Variants in PITPNB observed in about 807,000 individuals in gnomAD.
PITPNB encodes phosphatidylinositol transfer protein beta.
In PITPNB, 16 loss-of-function variants were observed where a neutral mutation model predicts 45.9. The ratio of observed to expected loss-of-function variants is 0.35; its 90% confidence interval spans 0.24 to 0.53. PITPNB has a LOEUF of 0.53. PITPNB is among the 20% of genes least tolerant of loss of function. The pLI is 0.93. For missense variants in PITPNB, 188 were observed against 330.5 expected (o/e 0.57, Z 3.34); for synonymous variants, 112 against 108.9 (o/e 1.03, Z -0.18).
rs190580077 is a variant in PITPNB at position 27,908,499 on chromosome 22, T to C, written c.197+2465A>G. ...TTGAATCTATTTCAAATTTATTTAC[T>C]TATAGGATAGTGATCTAAACAGAAC... On this transcript the variant is annotated intron_variant, in intron 3 of 11. Transcript: ENST00000335272. 3.1e-3 allele frequency among the ~76,000 whole-genome samples: 471 copies of C among 152,148 alleles called. 3 individuals are homozygous for C. The highest frequency in any genetic ancestry group is 0.011 in the African/African-American group (449 of 41,538).
At chr22:27,914,213 G>A in intron 2 of PITPNB, 104 bp downstream of exon 2, 1 of 728,758 alleles carries the variant, frequency 1.4e-6, no homozygotes, top group South Asian at 1.5e-5. Flanking sequence ...CACATAAGGT[G>A]GAATGAAAAG....
chr22:27,892,842 C>T (rs1935319671), intron 7 of PITPNB, among the ~76,000 whole-genome samples: 1 of 152,180 alleles, frequency 6.6e-6, no homozygotes, highest in Non-Finnish European at 1.5e-5. Context: ...TATCAGTGCT[C>T]ACACTTCTAA....
chr22:27,881,066 G>T (rs190037153), intron 7 of PITPNB, among the ~76,000 whole-genome samples: 160 of 152,332 alleles, frequency 1.1e-3, no homozygotes, highest in African/African-American at 3.6e-3. Context: ...CTGAAAGTGT[G>T]TGACCATGTA....
chr22:27,857,059 AG>A (rs1170560929), intron 10 of PITPNB, among the ~76,000 whole-genome samples: 2 of 152,136 alleles, frequency 1.3e-5, no homozygotes, highest in Non-Finnish European at 2.9e-5. Context: ...ATAAGGAATG[AG>A]GGGGGTATCT....
At chr22:27,889,205 T>C (rs536830937) in intron 7 of PITPNB, among the ~76,000 whole-genome samples, 2 of 152,198 alleles carry the variant, frequency 1.3e-5, no homozygotes, top group South Asian at 4.1e-4. Context: ...CTTAGGATTA[T>C]GTGAAGCACA....
chr22:27,881,234 A>G (rs1934962943), intron 7 of PITPNB, among the ~76,000 whole-genome samples: 4 of 152,256 alleles, frequency 2.6e-5, no homozygotes, highest in Admixed American at 2.6e-4. Context: ...AAGATGAGAC[A>G]GGCGTTTGGC....
chr22:27,900,250 G>T (rs1935555750), intron 3 of PITPNB, among the ~76,000 whole-genome samples: 1 of 150,642 alleles, frequency 6.6e-6, no homozygotes, highest in East Asian at 1.9e-4. Flanking sequence ...AAAGGCAGGA[G>T]AAACAATTCT....
chr22:27,875,887 A>C (rs921238668), intron 7 of PITPNB, among the ~76,000 whole-genome samples: 1 of 152,224 alleles, frequency 6.6e-6, no homozygotes, highest in African/African-American at 2.4e-5. Context: ...AACCCCAGGA[A>C]GTACCTGTTA....
chr22:27,870,511 G>GAA lies in PITPNB; in HGVS notation c.534+3226_534+3227insTT, dbSNP rs1439226881. On this transcript the variant is annotated intron_variant, in intron 8 of 11. Coordinates refer to ENST00000335272, the MANE Select transcript of PITPNB (RefSeq NM_012399.5). ...GTTCACAGAGGCCTTTTGAGAGAGA[G>GAA]ACTGTGGAACTACCAGGCAGCTCTT... is the stretch of plus-strand genomic sequence containing the variant. Among the ~76,000 whole-genome samples the GAA allele has an allele frequency of 5.3e-5, 8 of 151,692 alleles. No individual in the cohort carries two copies. In the East Asian group the frequency reaches 1.2e-3, roughly 22 times the overall value.
rs928247672 is a variant in PITPNB, at chr22:27,851,993, A to G, written c.*1709T>C. ...CAATGATTATGCTCTGACAAAACCT[A>G]TCTTACAACAGTGCCCAGAGAGTAA... On this transcript the variant is annotated 3_prime_UTR_variant, in exon 12 of 12. Coordinates refer to ENST00000335272, the MANE Select transcript of PITPNB (RefSeq NM_012399.5). 4 of 152,210 alleles carry G rather than the reference A, an allele frequency of 2.6e-5. No individual in the cohort carries two copies. Among genetic ancestry groups the G allele is most frequent in the African/African-American group, 9.7e-5 (4 of 41,438 alleles). The allele number at this position is 152,210 out of a possible 1,614,324, so 9.4% of individuals were successfully genotyped here.
chr22:27,853,788 G>T (rs1419457115), intron 11 of PITPNB, 125 bp from the exon 12 acceptor site: 2 of 691,928 alleles, frequency 2.9e-6, no homozygotes, highest in Non-Finnish European at 5.2e-6. Flanking sequence ...CCCAACTACT[G>T]CATCTTACAA....
chr22:27,911,192 T>A, intron 2 of PITPNB, 83 bp from the exon 3 acceptor site: 1 of 953,154 alleles, frequency 1.0e-6, no homozygotes, highest in East Asian at 2.5e-5. Context: ...ATAATATAGA[T>A]GATATAGAAA....
intron 10 of PITPNB, among the ~76,000 whole-genome samples, chr22:27,855,251 A>G (rs1263106819): frequency 6.6e-6 from 1 of 152,228 alleles, no homozygotes; most frequent in African/African-American, 2.4e-5. Flanking sequence ...AAAATACCCC[A>G]AGGGTCTGGT....
At chr22:27,893,452 T>A (rs1935343477) in intron 7 of PITPNB, among the ~76,000 whole-genome samples, 1 of 151,700 alleles carries the variant, frequency 6.6e-6, no homozygotes, top group Non-Finnish European at 1.5e-5. Flanking sequence ...ACCGGCTAAT[T>A]TTTTGTATTT....
intron 11 of PITPNB, among the ~76,000 whole-genome samples, chr22:27,854,455 G>A (rs1390243905): frequency 2.0e-5 from 3 of 152,128 alleles, no homozygotes; most frequent in Non-Finnish European, 2.9e-5. Context: ...TGGCTCGTAT[G>A]GTATGGGATA....
At chr22:27,918,192 A>C (rs1936142020) in intron 1 of PITPNB, among the ~76,000 whole-genome samples, 1 of 152,232 alleles carries the variant, frequency 6.6e-6, no homozygotes, top group African/African-American at 2.4e-5. Context: ...GGAGGTATTA[A>C]GTCTCAGAGA....
chr22:27,904,269 G>C (rs1372979736), intron 3 of PITPNB, among the ~76,000 whole-genome samples: 1 of 152,200 alleles, frequency 6.6e-6, no homozygotes, highest in East Asian at 1.9e-4. Flanking sequence ...AACAAAATGT[G>C]GCAGGCCTAT....
intron 5 of PITPNB, 53 bp from the exon 6 acceptor site, chr22:27,896,679 GC>G: frequency 8.2e-7 from 1 of 1,226,534 alleles, no homozygotes; most frequent in Non-Finnish European, 1.2e-6. Context: ...GTTCCTTGGT[GC>G]CCACGTCTGA....
intron 7 of PITPNB, among the ~76,000 whole-genome samples, chr22:27,893,353 C>T (rs576794455): frequency 2.7e-5 from 4 of 150,452 alleles, no homozygotes; most frequent in African/African-American, 4.9e-5. Flanking sequence ...GGCGCGATCT[C>T]GGCTCACTGC....
Sources: gnomAD v4.1 joint callset for allele counts (sites outside exome capture counted in the v4.1 genomes callset) on GRCh38, gnomAD v4.1.1 for gene constraint, MANE v1.5 for transcripts, NCBI Gene and HGNC (gene_info 2026-07-23, HGNC 2026-07-21) for gene names.